GRIN2A: variants seen among roughly 807,000 people sequenced by gnomAD.
GRIN2A encodes glutamate ionotropic receptor NMDA type subunit 2A.
GRIN2A carries 22 observed loss-of-function variants against 113.4 expected under a neutral mutation model. The ratio of observed to expected loss-of-function variants is 0.19; its 90% CI spans 0.14 to 0.28. The LOEUF is 0.28. Among genes scored for constraint, GRIN2A ranks in the 10% least tolerant of loss-of-function variants. The probability of loss-of-function intolerance (pLI) is 1.00; values close to 1 mark genes in which losing one functional copy is unlikely to be tolerated. For missense variants in GRIN2A, 1,502 were observed against 1,887.0 expected (o/e 0.80, Z 3.78); for synonymous variants, 827 against 738.4 (o/e 1.12, Z -1.94).
At chr16:9,827,980 A>AT (rs933507576) in intron 9 of GRIN2A, among the ~76,000 whole-genome samples, 23 of 152,102 alleles carry the variant, frequency 1.5e-4, no homozygotes, top group Non-Finnish European at 3.1e-4. Flanking sequence ...TGTATTGCTT[A>AT]TTTTTTTCCT....
chr16:10,169,480 G>C (rs941911489), intron 2 of GRIN2A, among the ~76,000 whole-genome samples: 1 of 152,190 alleles, frequency 6.6e-6, no homozygotes, highest in African/African-American at 2.4e-5. Context: ...GTAAGAGGAA[G>C]TCTACTCCAA....
At position 10,021,533 on chromosome 16, in the gene GRIN2A, A is replaced by G. The variant is rs79449869; in HGVS notation, c.415-82982T>C. 3.1e-3 allele frequency among the ~76,000 whole-genome samples: 478 copies of G among 152,286 alleles called. 3 individuals carry two copies. The highest frequency in any genetic ancestry group is 0.011 in the African/African-American group (460 of 41,550). On this transcript the variant is annotated intron_variant, in intron 2 of 12. Coordinates refer to ENST00000330684, the MANE Select transcript of GRIN2A (RefSeq NM_001134407.3). Reference sequence around the variant, plus strand: ...CAGTTACCAATGGTAGACTTTGAAAAAGGAAATAAAAAAGGAAGCTGAAAT... The same window carrying G: ...CAGTTACCAATGGTAGACTTTGAAAGAGGAAATAAAAAAGGAAGCTGAAAT...
At chr16:9,821,427 A>G (rs1040091580) in intron 10 of GRIN2A, among the ~76,000 whole-genome samples, 5 of 152,136 alleles carry the variant, frequency 3.3e-5, no homozygotes, top group South Asian at 2.1e-4. Flanking sequence ...GAAAGAAACC[A>G]ATGTGGGCTT....
intron 9 of GRIN2A, among the ~76,000 whole-genome samples, chr16:9,824,271 T>C (rs912177094): frequency 1.3e-5 from 2 of 152,166 alleles, no homozygotes; most frequent in African/African-American, 4.8e-5. Context: ...AAAATGCTTT[T>C]TGCAGTCACT....
intron 2 of GRIN2A, among the ~76,000 whole-genome samples, chr16:10,019,670 T>C (rs1233431685): frequency 2.0e-5 from 3 of 152,216 alleles, no homozygotes; most frequent in African/African-American, 7.2e-5. Context: ...TGGCAAATGC[T>C]TTCTTCTAAG....
chr16:9,937,504 T>A (rs912311425), intron 3 of GRIN2A, among the ~76,000 whole-genome samples: 1 of 152,096 alleles, frequency 6.6e-6, no homozygotes, highest in African/African-American at 2.4e-5. Context: ...ACCCACAAAA[T>A]TTTTTTAAAT....
intron 10 of GRIN2A, among the ~76,000 whole-genome samples, chr16:9,802,747 A>C (rs183185271): frequency 3.3e-5 from 5 of 152,350 alleles, no homozygotes; most frequent in Non-Finnish European, 2.9e-5. Flanking sequence ...CAATGCTGGA[A>C]ATGCTCTGAC....
chr16:10,156,195 A>G (rs1596561165), intron 2 of GRIN2A, among the ~76,000 whole-genome samples: 1 of 152,316 alleles, frequency 6.6e-6, no homozygotes, highest in African/African-American at 2.4e-5. Flanking sequence ...CTCTCTTGCT[A>G]TGCATGAGGT....
intron 11 of GRIN2A, among the ~76,000 whole-genome samples, chr16:9,784,684 C>G (rs1327080718): frequency 6.6e-6 from 1 of 152,100 alleles, no homozygotes; most frequent in African/African-American, 2.4e-5. Context: ...TTTTTGCAAT[C>G]TACTCATCTG....
intron 3 of GRIN2A, among the ~76,000 whole-genome samples, chr16:9,917,482 C>A (rs967310361): frequency 1.3e-5 from 2 of 152,330 alleles, no homozygotes; most frequent in South Asian, 4.1e-4. Flanking sequence ...CCTCAATGTT[C>A]TTACATCTCA....
chr16:9,990,595 ACACG>A (rs2046092200), intron 2 of GRIN2A, among the ~76,000 whole-genome samples: 2 of 145,604 alleles, frequency 1.4e-5, no homozygotes, highest in Non-Finnish European at 1.5e-5. Context: ...ACACACACAC[ACACG>A]GTTGATGGAA....
chr16:9,876,903 A>G (rs952561075), intron 4 of GRIN2A, among the ~76,000 whole-genome samples: 1 of 152,230 alleles, frequency 6.6e-6, no homozygotes, highest in African/African-American at 2.4e-5. Context: ...GTCATAGTGT[A>G]TAGTTACTTT....
chr16:9,982,373 C>T (rs1239879800), intron 2 of GRIN2A, among the ~76,000 whole-genome samples: 1 of 152,164 alleles, frequency 6.6e-6, no homozygotes, highest in African/African-American at 2.4e-5. Context: ...ACAATAATTG[C>T]CTGGATCCAT....
chr16:9,862,917 A>G (rs1281100918), intron 4 of GRIN2A, among the ~76,000 whole-genome samples: 1 of 152,210 alleles, frequency 6.6e-6, no homozygotes, highest in African/African-American at 2.4e-5. Flanking sequence ...TAAACAATTA[A>G]CGAGTATAAT....
chr16:9,966,921 A>G (rs2045566111), intron 2 of GRIN2A, among the ~76,000 whole-genome samples: 1 of 152,202 alleles, frequency 6.6e-6, no homozygotes, highest in African/African-American at 2.4e-5. Flanking sequence ...CCACAGCACA[A>G]AGGTTACCCA....
At chr16:10,060,036 C>T (rs991586650) in intron 2 of GRIN2A, among the ~76,000 whole-genome samples, 15 of 152,146 alleles carry the variant, frequency 9.9e-5, no homozygotes, top group African/African-American at 1.9e-4. Flanking sequence ...GCAAATCCCA[C>T]AGCAGGGACC....
chr16:10,047,735 A>C (rs1235106759), intron 2 of GRIN2A, among the ~76,000 whole-genome samples: 1 of 152,214 alleles, frequency 6.6e-6, no homozygotes, highest in Non-Finnish European at 1.5e-5. Flanking sequence ...CTGAGAGTTA[A>C]TATATCCTTT....
intron 2 of GRIN2A, among the ~76,000 whole-genome samples, chr16:10,165,479 C>T (rs2049894254): frequency 7.1e-6 from 1 of 141,258 alleles, no homozygotes; most frequent in Non-Finnish European, 1.5e-5. Context: ...TTCAACAGTT[C>T]TTAAAGTTCT....
chr16:10,175,601 T>C (rs567860398), intron 2 of GRIN2A, among the ~76,000 whole-genome samples: 25 of 152,346 alleles, frequency 1.6e-4, no homozygotes, highest in African/African-American at 5.1e-4. Context: ...GAGAAGCATT[T>C]GTCATGTCAA....
Sources: allele counts gnomAD v4.1 joint callset (sites outside exome capture counted in the v4.1 genomes callset), GRCh38; gene constraint gnomAD v4.1.1; transcripts MANE v1.5; gene names NCBI Gene and HGNC (gene_info 2026-07-23, HGNC 2026-07-21).